KPLCE: variants seen among roughly 807,000 people sequenced by gnomAD.
KPLCE encodes the protein KPRP N-terminal and LCE C-terminal like protein.
At chr1:152,719,919 A>G in the KPLCE span, 1 of 1,552,188 alleles carries the variant, frequency 6.4e-7, no homozygotes, top group Non-Finnish European at 8.7e-7. Flanking sequence ...CAGACGTGCT[A>G]TGTCCAGGGT....
chr1:152,720,216 T>C, the KPLCE span: 1 of 1,551,548 alleles, frequency 6.4e-7, no homozygotes, highest in South Asian at 1.2e-5. Context: ...TTGGGAATTA[T>C]CCCCATGAGG....
At chr1:152,720,449 G>T in the KPLCE span, 23 of 595,382 alleles carry the variant, frequency 3.9e-5, no homozygotes, top group South Asian at 5.1e-4. Context: ...CCAAACTTTG[G>T]CATGAATAAA....
the KPLCE span, chr1:152,720,107 G>T: frequency 1.3e-6 from 2 of 1,551,728 alleles, no homozygotes; most frequent in Non-Finnish European, 1.7e-6. Context: ...CTGCAACACA[G>T]GATCATCTGG....
At chr1:152,719,546 C>G in the KPLCE span, 3 of 1,551,564 alleles carry the variant, frequency 1.9e-6, no homozygotes, top group African/African-American at 4.1e-5. Context: ...GAAGCAGCCA[C>G]AGTTCCCTCC....
the KPLCE span, chr1:152,719,525 T>A: frequency 1.9e-6 from 3 of 1,551,202 alleles, no homozygotes; most frequent in Non-Finnish European, 2.6e-6. Context: ...CAGAACAATG[T>A]GTGACCAGCA....
the KPLCE span, chr1:152,719,930 G>A: frequency 6.4e-7 from 1 of 1,552,144 alleles, no homozygotes; most frequent in Non-Finnish European, 8.7e-7. Context: ...TGTCCAGGGT[G>A]CTTCTCCTTG....
the KPLCE span, chr1:152,720,375 C>T: frequency 2.0e-6 from 2 of 1,000,864 alleles, no homozygotes; most frequent in East Asian, 5.3e-5. Flanking sequence ...GATGTAGAAC[C>T]TCATCACTTT....
At chr1:152,719,719 C>T in the KPLCE span, 3 of 1,552,118 alleles carry the variant, frequency 1.9e-6, no homozygotes, top group Non-Finnish European at 8.7e-7. Context: ...AGACTCAAAC[C>T]TACGTGAAGT....
At chr1:152,720,010 T>G in the KPLCE span, 2 of 1,551,784 alleles carry the variant, frequency 1.3e-6, no homozygotes, top group Non-Finnish European at 1.7e-6. Flanking sequence ...ACCCATGCTC[T>G]GCTCCCTGTT....
chr1:152,720,353 G>C, the KPLCE span: 11 of 1,156,174 alleles, frequency 9.5e-6, no homozygotes, highest in Admixed American at 1.0e-4. Flanking sequence ...CCCCCTCTCT[G>C]TTAGTGCCAG....
chr1:152,720,260 G>A, the KPLCE span: 51 of 1,546,276 alleles, frequency 3.3e-5, no homozygotes, highest in Non-Finnish European at 6.1e-6. Flanking sequence ...CCATGAGGAT[G>A]ACTGCTGCTG....
the KPLCE span, chr1:152,720,056 G>C: frequency 7.7e-5 from 120 of 1,551,578 alleles, no homozygotes; most frequent in Non-Finnish European, 1.0e-4. Context: ...CCGGACCTTC[G>C]GGGTGAGTCC....
chr1:152,719,993 G>A, the KPLCE span: 2 of 1,551,782 alleles, frequency 1.3e-6, no homozygotes, highest in Non-Finnish European at 1.7e-6. Context: ...CCAGTACTGT[G>A]TCACTGACCC....
At chr1:152,720,074 C>A in the KPLCE span, 32 of 1,551,608 alleles carry the variant, frequency 2.1e-5, no homozygotes, top group Admixed American at 5.9e-4. Context: ...TCCCCTGAGA[C>A]GCTGGATTCA....
chr1:152,719,598 G>C, the KPLCE span: 545,625 of 1,551,416 alleles, frequency 0.35, 98,991 homozygotes, highest in African/African-American at 0.51. Context: ...GGGCAGGGTA[G>C]CAATGGTGCC....
At chr1:152,719,701 T>C in the KPLCE span, 3 of 1,552,070 alleles carry the variant, frequency 1.9e-6, no homozygotes, top group Non-Finnish European at 2.6e-6. Flanking sequence ...AGTACCAAGT[T>C]CCATGCCAGA....
chr1:152,719,861 G>A, the KPLCE span: 1 of 1,551,958 alleles, frequency 6.4e-7, no homozygotes, highest in East Asian at 2.4e-5. Context: ...GAAGTGCCCA[G>A]CTCCCTGCCA....
chr1:152,719,528 G>T, the KPLCE span: 1 of 1,551,234 alleles, frequency 6.4e-7, no homozygotes, highest in South Asian at 1.2e-5. Flanking sequence ...AACAATGTGT[G>T]ACCAGCAGAA....
At chr1:152,720,048 G>A in the KPLCE span, 21 of 1,551,720 alleles carry the variant, frequency 1.4e-5, no homozygotes, top group South Asian at 3.6e-5. Context: ...CTGGCTCCCC[G>A]GACCTTCGGG....
Sources: gnomAD v4.1 joint callset for allele counts on GRCh38, gnomAD v4.1.1 for gene constraint, MANE v1.5 for transcripts, NCBI Gene and HGNC (gene_info 2026-07-23, HGNC 2026-07-21) for gene names.